SPATA13: variants seen among roughly 807,000 people sequenced by gnomAD.
SPATA13 encodes the protein spermatogenesis-associated protein 13.
Under a neutral mutation model 104.0 loss-of-function variants are expected in SPATA13, and 50 were observed. That is an observed-to-expected ratio of 0.48 (90% confidence interval 0.38 to 0.61). SPATA13 has a LOEUF of 0.61. SPATA13 is among the 20% of genes least tolerant of loss of function. The pLI is 0.00. For synonymous variants in SPATA13, 606 were observed against 667.5 expected (o/e 0.91, Z 1.42); for missense variants, 1,524 against 1,690.6 (o/e 0.90, Z 1.73).
At chr13:23,985,355 T>C (rs1185356086) in intron 2 of SPATA13, among the ~76,000 whole-genome samples, 1 of 152,256 alleles carries the variant, frequency 6.6e-6, no homozygotes, top group Non-Finnish European at 1.5e-5. Context: ...GGTTGTGTCA[T>C]GGCGTGGCCA....
At chr13:24,167,079 A>T (rs1256213002) in intron 1 of SPATA13, among the ~76,000 whole-genome samples, 2 of 152,150 alleles carry the variant, frequency 1.3e-5, no homozygotes, top group African/African-American at 4.8e-5. Flanking sequence ...TTGGGGTATG[A>T]CCTATGTGTT....
chr13:24,243,735 T>C (rs1379023219), intron 2 of SPATA13, among the ~76,000 whole-genome samples: 1 of 152,196 alleles, frequency 6.6e-6, no homozygotes, highest in Non-Finnish European at 1.5e-5. Flanking sequence ...CTCTGTGGCA[T>C]CAACTGCCAA....
chr13:23,996,080 G>C (rs572088377), intron 2 of SPATA13, among the ~76,000 whole-genome samples: 20 of 152,222 alleles, frequency 1.3e-4, no homozygotes, highest in Non-Finnish European at 2.2e-4. Context: ...GGAAATGAAG[G>C]GTTTTTGGTA....
chr13:24,182,897 A>G (rs1354565913), intron 1 of SPATA13, among the ~76,000 whole-genome samples: 1 of 152,136 alleles, frequency 6.6e-6, no homozygotes, highest in Non-Finnish European at 1.5e-5. Flanking sequence ...ACCAAACCCA[A>G]AGAAGGCAAA....
At chr13:24,200,499 G>A (rs769829984) in intron 1 of SPATA13, among the ~76,000 whole-genome samples, 13 of 151,806 alleles carry the variant, frequency 8.6e-5, no homozygotes, top group Non-Finnish European at 1.8e-4. Context: ...GTCCCACCTC[G>A]TTCTCAGCCC....
intron 3 of SPATA13, among the ~76,000 whole-genome samples, chr13:24,124,450 G>A (rs1030451187): frequency 2.6e-5 from 4 of 152,184 alleles, no homozygotes; most frequent in African/African-American, 9.7e-5. Flanking sequence ...TGGATAGAAG[G>A]GCAAGGTGCC....
At chr13:24,010,269 G>A (rs1876409805) in intron 2 of SPATA13, among the ~76,000 whole-genome samples, 1 of 152,160 alleles carries the variant, frequency 6.6e-6, no homozygotes, top group Non-Finnish European at 1.5e-5. Context: ...AAACAGTGGG[G>A]CAGAGGAAGC....
At chr13:24,165,570 C>T (rs920542724) in intron 1 of SPATA13, among the ~76,000 whole-genome samples, 5 of 152,092 alleles carry the variant, frequency 3.3e-5, no homozygotes, top group South Asian at 2.1e-4. Flanking sequence ...CAGCCCTTCC[C>T]GGTTGCACCC....
At chr13:24,250,836 C>T (rs1231188688) in intron 3 of SPATA13, among the ~76,000 whole-genome samples, 1 of 152,304 alleles carries the variant, frequency 6.6e-6, no homozygotes, top group Middle Eastern at 3.4e-3. Flanking sequence ...CAAATTGTCA[C>T]GCATTTTAAC....
At chr13:24,297,172 A>G (rs1876843980) in intron 10 of SPATA13, among the ~76,000 whole-genome samples, 191 bp from the exon 11 acceptor site, 1 of 152,042 alleles carries the variant, frequency 6.6e-6, no homozygotes, top group Admixed American at 6.6e-5. Context: ...CTAAGTAGCT[A>G]GGACTACAGG....
chr13:24,057,147 T>A (rs1057170022), intron 3 of SPATA13, among the ~76,000 whole-genome samples: 2 of 151,948 alleles, frequency 1.3e-5, no homozygotes, highest in African/African-American at 4.8e-5. Flanking sequence ...TTGTTACATA[T>A]GTATACATGT....
At chr13:24,012,481 T>C (rs1876515700) in intron 2 of SPATA13, among the ~76,000 whole-genome samples, 1 of 152,238 alleles carries the variant, frequency 6.6e-6, no homozygotes, top group Non-Finnish European at 1.5e-5. Context: ...CTGTGCCTAC[T>C]GTCTCCAAGG....
At chr13:24,048,719 G>T (rs1878234725) in intron 3 of SPATA13, among the ~76,000 whole-genome samples, 1 of 152,046 alleles carries the variant, frequency 6.6e-6, no homozygotes, top group African/African-American at 2.4e-5. Context: ...GACCCAAGCT[G>T]AACCGTTTAA....
intron 3 of SPATA13, among the ~76,000 whole-genome samples, chr13:24,140,068 CAA>C (rs542732994): frequency 0.047 from 4,057 of 85,806 alleles, 190 homozygotes; most frequent in African/African-American, 0.14. Flanking sequence ...GACTCCGTCT[CAA>C]AAAAAAAAAA....
chr13:24,248,407 A>G (rs1292050099), intron 2 of SPATA13, among the ~76,000 whole-genome samples: 1 of 152,242 alleles, frequency 6.6e-6, no homozygotes, highest in Non-Finnish European at 1.5e-5. Context: ...GTGACTGAAC[A>G]TGTCTGCTCG....
intron 1 of SPATA13, 61 bp from the exon 2 acceptor site, chr13:24,222,758 G>T: frequency 7.1e-7 from 1 of 1,408,384 alleles, no homozygotes. Context: ...CTCTTCTTCT[G>T]TGAGCAGAGG....
chr13:24,061,113 C>T (rs1001551434), intron 3 of SPATA13, among the ~76,000 whole-genome samples: 3 of 152,098 alleles, frequency 2.0e-5, no homozygotes, highest in African/African-American at 4.8e-5. Flanking sequence ...CTAACAGGCA[C>T]ATGAAAGAAA....
At position 24,260,456 on chromosome 13, in the gene SPATA13, T is replaced by G. The variant is rs539341939; in HGVS notation, c.2164+8594T>G. On this transcript the variant is annotated intron_variant, in intron 4 of 12. Transcript: ENST00000382108. ...TGGTCCCACAAGTAGAGTTGTATCC[T>G]CACCGGGAGTCAAGAGCATGACCCC... Among the ~76,000 whole-genome samples the G allele has an allele frequency of 2.6e-5, 4 of 152,316 alleles. No homozygotes were observed. In the South Asian group the frequency reaches 6.2e-4, roughly 24 times the overall value.
In SPATA13 at chr13:24,305,907, A is replaced by C. The variant is rs1188878930; in HGVS notation, c.*3134A>C. ...AAATCATAAAATTGAATGTTTGCAG[A>C]ATCCTGGAGCAGTAGATTTCTTTGT... On this transcript the variant is annotated 3_prime_UTR_variant, in exon 13 of 13. Transcript: ENST00000382108. 6.6e-6 allele frequency: 1 copy of C among 152,242 alleles called. No homozygotes were observed. The highest frequency in any genetic ancestry group is 1.9e-4 in the East Asian group (1 of 5,208). 9.4% of individuals were successfully genotyped at this position (152,242 alleles called of 1,614,324 possible).
Sources: gnomAD v4.1 joint callset for allele counts (sites outside exome capture counted in the v4.1 genomes callset) on GRCh38, gnomAD v4.1.1 for gene constraint, MANE v1.5 for transcripts, NCBI Gene and HGNC (gene_info 2026-07-23, HGNC 2026-07-21) for gene names.